Variants in PTPRD observed in about 807,000 individuals in gnomAD.
The protein encoded by PTPRD is protein tyrosine phosphatase receptor type D.
Under a neutral mutation model 214.5 loss-of-function variants are expected in PTPRD, and 34 were observed. That is an observed-to-expected ratio of 0.16 (90% CI 0.12 to 0.21). The LOEUF is 0.21. Ranked by LOEUF, PTPRD falls within the 10% of genes least tolerant of loss-of-function variation. PTPRD has a pLI of 1.00. For missense variants in PTPRD, 2,545 were observed against 2,398.7 expected (o/e 1.06, Z -1.27); for synonymous variants, 1,128 against 845.7 (o/e 1.33, Z -5.79).
intron 3 of PTPRD, among the ~76,000 whole-genome samples, chr9:10,207,052 T>C (rs294804): frequency 0.14 from 21,818 of 152,114 alleles, 1,871 homozygotes; most frequent in East Asian, 0.42. Context: ...ATGAGTTTTA[T>C]TGTATTCATC....
chr9:9,799,682 G>T (rs573423242), intron 5 of PTPRD: 40 of 152,198 alleles, frequency 2.6e-4, no homozygotes, highest in African/African-American at 7.7e-4. Flanking sequence ...AAAAAGGGGG[G>T]TAAGCATTAG....
intron 14 of PTPRD, among the ~76,000 whole-genome samples, chr9:8,566,867 C>A (rs958083475): frequency 6.6e-6 from 1 of 152,152 alleles, no homozygotes; most frequent in Non-Finnish European, 1.5e-5. Context: ...AGTCTCCAGC[C>A]TGGACACTGC....
intron 11 of PTPRD, among the ~76,000 whole-genome samples, chr9:8,903,142 T>C: frequency 6.8e-6 from 1 of 147,334 alleles, no homozygotes; most frequent in Non-Finnish European, 1.5e-5. Flanking sequence ...GGATCTATCT[T>C]ATTCTTTTTT....
chr9:9,666,036 C>T (rs939614865), intron 7 of PTPRD, among the ~76,000 whole-genome samples: 7 of 151,862 alleles, frequency 4.6e-5, no homozygotes, highest in African/African-American at 1.7e-4. Flanking sequence ...AAAATGTTGT[C>T]ATCAATAAGT....
intron 5 of PTPRD, among the ~76,000 whole-genome samples, chr9:9,923,120 G>A (rs557428071): frequency 2.0e-5 from 3 of 146,342 alleles, no homozygotes; most frequent in African/African-American, 7.6e-5. Flanking sequence ...TGTGTGTGTG[G>A]GGGGTGTGTG....
At chr9:9,599,900 T>C (rs2093627275) in intron 7 of PTPRD, among the ~76,000 whole-genome samples, 1 of 152,080 alleles carries the variant, frequency 6.6e-6, no homozygotes, top group African/African-American at 2.4e-5. Context: ...AATTTAAGGA[T>C]ATTAAAGATC....
At chr9:8,539,339 A>C (rs562353105) in intron 14 of PTPRD, among the ~76,000 whole-genome samples, 2 of 152,130 alleles carry the variant, frequency 1.3e-5, no homozygotes, top group African/African-American at 2.4e-5. Flanking sequence ...ATTAGAAACC[A>C]AAAATGATGC....
At chr9:8,645,494 T>TA (rs2096667516) in intron 12 of PTPRD, among the ~76,000 whole-genome samples, 1 of 152,226 alleles carries the variant, frequency 6.6e-6, no homozygotes, top group South Asian at 2.1e-4. Flanking sequence ...TCTATACCAT[T>TA]AATTTTATTT....
chr9:9,778,919 G>C (rs2154488188), intron 5 of PTPRD, among the ~76,000 whole-genome samples: 1 of 151,422 alleles, frequency 6.6e-6, no homozygotes, highest in East Asian at 1.9e-4. Context: ...TAAGTAAAAA[G>C]AACAAAGCCA....
At chr9:9,179,431 A>C (rs1464435358) in intron 10 of PTPRD, among the ~76,000 whole-genome samples, 2 of 152,132 alleles carry the variant, frequency 1.3e-5, no homozygotes, top group Non-Finnish European at 2.9e-5. Flanking sequence ...TGATGATTAC[A>C]TGACAAAGAA....
intron 7 of PTPRD, among the ~76,000 whole-genome samples, chr9:9,684,709 GTA>G (rs559120406): frequency 4.1e-5 from 6 of 147,744 alleles, no homozygotes; most frequent in Non-Finnish European, 7.6e-5. Flanking sequence ...GTGTGTGTGT[GTA>G]TGTGTGTGTG....
intron 36 of PTPRD, among the ~76,000 whole-genome samples, chr9:8,389,673 CTGGTTG>C (rs2088714544): frequency 6.6e-6 from 1 of 152,120 alleles, no homozygotes; most frequent in Non-Finnish European, 1.5e-5. Context: ...TTTTCCTTCA[CTGGTTG>C]TTGGTTTTCT....
rs1024423043 is a variant in PTPRD at position 10,361,176 on chromosome 9, T to C, written c.-599-20159A>G. On this transcript the variant is annotated intron_variant, in intron 2 of 45. Coordinates refer to ENST00000381196, the MANE Select transcript of PTPRD (RefSeq NM_002839.4). ...TGAAAGTCAAAAAGTATTGAGAAGA[T>C]TGGCATTGTTTGACATTAAAATTTC... Among the ~76,000 whole-genome samples the C allele has an allele frequency of 3.3e-5, 5 of 152,272 alleles. 1 individual carries two copies. Among genetic ancestry groups the C allele is most frequent in the African/African-American group, 7.2e-5 (3 of 41,570 alleles).
intron 10 of PTPRD, among the ~76,000 whole-genome samples, chr9:9,072,568 T>C (rs1163670253): frequency 1.3e-5 from 2 of 152,198 alleles, no homozygotes; most frequent in Non-Finnish European, 2.9e-5. Flanking sequence ...CCACTAATTA[T>C]ACTTTTATAA....
Position 10,559,416 on chromosome 9 carries a change from C to T in PTPRD, c.-600+52982G>A, listed in dbSNP as rs1240472100. Among the ~76,000 whole-genome samples, 5 of 152,178 alleles carry T rather than the reference C, an allele frequency of 3.3e-5. No individual in the cohort carries two copies. In the East Asian group the frequency reaches 9.6e-4, roughly 29 times the overall value. On this transcript the variant is annotated intron_variant, in intron 2 of 45. Coordinates refer to ENST00000381196, the MANE Select transcript of PTPRD (RefSeq NM_002839.4). ...CAGTCACATTCCAAATAATCAATGG[C>T]CACACAGTTCTATTTAAGTTACATT... is the stretch of plus-strand genomic sequence containing the variant.
chr9:9,279,458 A>G (rs1946874708), intron 9 of PTPRD, among the ~76,000 whole-genome samples: 2 of 149,904 alleles, frequency 1.3e-5, no homozygotes, highest in South Asian at 4.2e-4. Flanking sequence ...CCATATGCAA[A>G]TCCTTCTTTT....
chr9:10,072,166 A>C (rs1683155567), intron 3 of PTPRD, among the ~76,000 whole-genome samples: 1 of 152,114 alleles, frequency 6.6e-6, no homozygotes. Flanking sequence ...TAAGAAAATA[A>C]AGCCATTCAA....
chr9:10,448,523 G>A (rs1047586339), intron 2 of PTPRD, among the ~76,000 whole-genome samples: 3 of 151,926 alleles, frequency 2.0e-5, no homozygotes, highest in Non-Finnish European at 4.4e-5. Flanking sequence ...AATATAATAG[G>A]AAGTGGGTAA....
rs534766580 is a variant in PTPRD at position 9,556,558 on chromosome 9, T to A, written c.-237+18174A>T. On this transcript the variant is annotated intron_variant, in intron 8 of 45. Transcript: ENST00000381196. ...ACTTTGAATCTAACTTGCCCCCAAT[T>A]TTCTTGCCTGGTGCCTTCCCACATT... Among the ~76,000 whole-genome samples, 18 of 152,346 alleles carry A rather than the reference T, an allele frequency of 1.2e-4. No homozygotes were observed. The East Asian group carries it at 2.9e-3, about 24-fold the overall frequency.
Sources: gnomAD v4.1 joint callset for allele counts (sites outside exome capture counted in the v4.1 genomes callset) on GRCh38, gnomAD v4.1.1 for gene constraint, MANE v1.5 for transcripts, NCBI Gene and HGNC (gene_info 2026-07-23, HGNC 2026-07-21) for gene names.